The following SRPK2 variants were observed in gnomAD, a reference collection of about 807,000 sequenced individuals.
SRPK2 encodes the protein SRSF protein kinase 2.
In SRPK2, 21 loss-of-function variants were observed where a neutral mutation model predicts 90.8. That is an observed-to-expected ratio of 0.23 (90% CI 0.16 to 0.33). SRPK2 has a LOEUF of 0.33. Among genes scored for constraint, SRPK2 ranks in the 10% least tolerant of loss-of-function variants. The pLI is 1.00. For missense variants in SRPK2, 620 were observed against 869.0 expected (o/e 0.71, Z 3.60); for synonymous variants, 288 against 311.1 (o/e 0.93, Z 0.78).
At chr7:105,194,393 T>C (rs1794665616) in intron 3 of SRPK2, among the ~76,000 whole-genome samples, 1 of 152,132 alleles carries the variant, frequency 6.6e-6, no homozygotes, top group South Asian at 2.1e-4. Flanking sequence ...TAAAGAATCA[T>C]AAGGAAGAAG....
At chr7:105,138,061 A>ACCTC (rs1376367872) in intron 11 of SRPK2, among the ~76,000 whole-genome samples, 1 of 151,982 alleles carries the variant, frequency 6.6e-6, no homozygotes, top group East Asian at 1.9e-4. Flanking sequence ...GCTCTTCAAG[A>ACCTC]CCTCCAGTTT....
At chr7:105,258,779 C>T (rs1317145057) in intron 2 of SRPK2, among the ~76,000 whole-genome samples, 2 of 152,136 alleles carry the variant, frequency 1.3e-5, no homozygotes, top group Non-Finnish European at 2.9e-5. Context: ...GAACCAACAA[C>T]AAAAACCACA....
chr7:105,302,194 T>G, intron 2 of SRPK2: 1 of 803,804 alleles, frequency 1.2e-6, no homozygotes, highest in Non-Finnish European at 2.2e-6. Context: ...TAAAATAATT[T>G]TTGTATGTTT....
At chr7:105,302,054 T>C in intron 2 of SRPK2, 1 of 1,566,162 alleles carries the variant, frequency 6.4e-7, no homozygotes, top group Non-Finnish European at 8.8e-7. Context: ...TGTGAAGCAT[T>C]TAAGCAAAAC....
rs570273363 is a variant in SRPK2 at position 105,184,721 on chromosome 7, T to G, written c.230-15456A>C. On this transcript the variant is annotated intron_variant, in intron 3 of 15. Coordinates refer to ENST00000393651, the MANE Select transcript of SRPK2 (RefSeq NM_182692.3). ...CTGGATGTAAAATATTTGACTGACA[T>G]TTTCTTTCCTTGAGTATGTTAAATG... Among the ~76,000 whole-genome samples, 408 of 152,290 alleles carry G rather than the reference T, an allele frequency of 2.7e-3. 1 individual carries two copies. Among genetic ancestry groups the G allele is most frequent in the African/African-American group, 4.3e-3 (179 of 41,570 alleles).
At chr7:105,143,502 G>A (rs1021091632) in intron 9 of SRPK2, 172 bp from the exon 10 acceptor site, 2 of 822,100 alleles carry the variant, frequency 2.4e-6, no homozygotes, top group African/African-American at 3.5e-5. Flanking sequence ...TAAAATCAAA[G>A]GGAAAGCAGT....
rs1044322068 is a variant in SRPK2 at position 105,138,020 on chromosome 7, G to C, written c.1543+3988C>G. ...CCAAACAAAGGAGATCCTGTCCCTG[G>C]TACATCCCTAGAATTTGCCAATATT... On this transcript the variant is annotated intron_variant, in intron 11 of 15. Transcript: ENST00000393651. 3.2e-4 allele frequency among the ~76,000 whole-genome samples: 48 copies of C among 152,128 alleles called. 1 individual carries two copies. The highest frequency in any genetic ancestry group is 1.1e-3 in the African/African-American group (47 of 41,416).
intron 2 of SRPK2, among the ~76,000 whole-genome samples, chr7:105,212,515 TG>T (rs1467866521): frequency 3.9e-5 from 6 of 152,114 alleles, no homozygotes; most frequent in African/African-American, 1.4e-4. Flanking sequence ...CAAACTAATC[TG>T]GTATGACTGG....
intron 2 of SRPK2, among the ~76,000 whole-genome samples, chr7:105,283,793 C>A (rs796889903): frequency 2.6e-5 from 4 of 151,998 alleles, no homozygotes; most frequent in Non-Finnish European, 4.4e-5. Flanking sequence ...GAGTTCGAGA[C>A]CAGCCTAGGT....
chr7:105,192,601 T>A (rs1794440457), intron 3 of SRPK2, among the ~76,000 whole-genome samples: 1 of 152,260 alleles, frequency 6.6e-6, no homozygotes, highest in Non-Finnish European at 1.5e-5. Context: ...GTTCTACTTT[T>A]AGTTCTTTAC....
intron 3 of SRPK2, among the ~76,000 whole-genome samples, chr7:105,193,854 T>A (rs1325640980): frequency 6.6e-6 from 1 of 152,222 alleles, no homozygotes; most frequent in Admixed American, 6.5e-5. Context: ...CAATGTTTTT[T>A]AAAATTCAGA....
chr7:105,306,690 T>C (rs1811184249), intron 2 of SRPK2: 1 of 341,504 alleles, frequency 2.9e-6, no homozygotes, highest in Non-Finnish European at 5.7e-6. Context: ...TTTACAAATA[T>C]CTTTATCTGC....
At chr7:105,219,168 C>T (rs1179669977) in intron 2 of SRPK2, among the ~76,000 whole-genome samples, 7 of 152,070 alleles carry the variant, frequency 4.6e-5, no homozygotes, top group Non-Finnish European at 1.0e-4. Context: ...CACTCCCACA[C>T]CTCCAGTGTA....
At chr7:105,288,276 A>C (rs1808437577) in intron 2 of SRPK2, among the ~76,000 whole-genome samples, 1 of 152,152 alleles carries the variant, frequency 6.6e-6, no homozygotes, top group Non-Finnish European at 1.5e-5. Context: ...AAATCACTGA[A>C]CTTAAAATAA....
At chr7:105,247,851 T>C (rs914089973) in intron 2 of SRPK2, among the ~76,000 whole-genome samples, 2 of 151,904 alleles carry the variant, frequency 1.3e-5, no homozygotes, top group Admixed American at 1.3e-4. Context: ...GCATGAGCTG[T>C]CATGCTTGGC....
chr7:105,210,346 C>T (rs1365735685), intron 2 of SRPK2, among the ~76,000 whole-genome samples: 1 of 152,088 alleles, frequency 6.6e-6, no homozygotes, highest in Non-Finnish European at 1.5e-5. Context: ...TCCCTATGTC[C>T]ACCCTATATC....
chr7:105,217,164 T>A (rs902292746), intron 2 of SRPK2, among the ~76,000 whole-genome samples: 1 of 152,218 alleles, frequency 6.6e-6, no homozygotes, highest in African/African-American at 2.4e-5. Flanking sequence ...AAGGTCAACA[T>A]CGATCCCACC....
intron 2 of SRPK2, among the ~76,000 whole-genome samples, chr7:105,299,455 G>T (rs1810258022): frequency 6.6e-6 from 1 of 152,178 alleles, no homozygotes; most frequent in African/African-American, 2.4e-5. Context: ...CACATATATT[G>T]CTAGCTAAGG....
intron 9 of SRPK2, among the ~76,000 whole-genome samples, chr7:105,145,021 G>A (rs763126177): frequency 6.6e-6 from 1 of 150,682 alleles, no homozygotes; most frequent in Non-Finnish European, 1.5e-5. Flanking sequence ...CACAAGAATC[G>A]TTTGAACCAG....
Sources: allele counts gnomAD v4.1 joint callset (sites outside exome capture counted in the v4.1 genomes callset), GRCh38; gene constraint gnomAD v4.1.1; transcripts MANE v1.5; gene names NCBI Gene and HGNC (gene_info 2026-07-23, HGNC 2026-07-21).